Variants in SDK1 observed in about 807,000 individuals in gnomAD.
SDK1 encodes protein sidekick-1.
A neutral mutation model predicts 245.5 loss-of-function variants in SDK1; 157 were observed. That is an observed-to-expected ratio of 0.64 (90% confidence interval 0.56 to 0.73). The LOEUF is 0.73. Ranked by LOEUF, SDK1 falls within the 30% of genes least tolerant of loss-of-function variation. SDK1 has a pLI of 0.00. For synonymous variants in SDK1, 1,647 were observed against 1,278.5 expected, an observed-to-expected ratio of 1.29 and a Z score of -6.15; for missense variants, 3,583 against 3,002.3, an observed-to-expected ratio of 1.19 and a Z score of -4.52.
At chr7:3,895,174 A>G (rs1281148419) in intron 5 of SDK1, among the ~76,000 whole-genome samples, 1 of 152,220 alleles carries the variant, frequency 6.6e-6, no homozygotes, top group Admixed American at 6.5e-5. Context: ...ATAAGTAGTA[A>G]TTAAGGGGCT....
At chr7:3,572,157 G>A (rs1473006522) in intron 1 of SDK1, among the ~76,000 whole-genome samples, 1 of 152,068 alleles carries the variant, frequency 6.6e-6, no homozygotes. Context: ...TATGTTCAAA[G>A]TACTGTGGGT....
intron 14 of SDK1, among the ~76,000 whole-genome samples, chr7:4,006,894 G>A (rs1216162842): frequency 6.6e-6 from 1 of 152,342 alleles, no homozygotes; most frequent in African/African-American, 2.4e-5. Flanking sequence ...ATCAGGCAGG[G>A]CCAGGCTGGC....
intron 5 of SDK1, among the ~76,000 whole-genome samples, chr7:3,842,446 C>A (rs755415829): frequency 5.5e-5 from 8 of 146,692 alleles, no homozygotes; most frequent in Non-Finnish European, 5.9e-5. Flanking sequence ...ACTGTGCTGG[C>A]GTGGGTACTG....
chr7:3,807,141 A>T (rs1350531300), intron 4 of SDK1, among the ~76,000 whole-genome samples: 1 of 152,070 alleles, frequency 6.6e-6, no homozygotes, highest in Non-Finnish European at 1.5e-5. Context: ...AAAAAAATCT[A>T]CCCCATCCCC....
chr7:3,974,589 C>G (rs990424968), intron 13 of SDK1, 44 bp downstream of exon 13: 57 of 1,578,794 alleles, frequency 3.6e-5, no homozygotes, highest in Non-Finnish European at 4.8e-5. Context: ...GCGGTTTTCT[C>G]CGTTACTGTG....
chr7:3,667,396 C>G (rs1009645376), intron 4 of SDK1, among the ~76,000 whole-genome samples: 1 of 152,188 alleles, frequency 6.6e-6, no homozygotes, highest in African/African-American at 2.4e-5. Context: ...AAGTCTTCCT[C>G]CCAACCTCCT....
rs964113928 is a variant in SDK1, at chr7:3,398,417, A to AT, written c.298+96542dup. 9.3e-5 allele frequency among the ~76,000 whole-genome samples: 14 copies of AT among 150,478 alleles called. No homozygotes were observed. The South Asian group carries it at 1.1e-3, about 11-fold the overall frequency. ...GTGACCTTCAGAAGAGTTTCTTAGC[A>AT]TTTTTTTTTCTCCTCTTCTGTGAGA... On this transcript the variant is annotated intron_variant, in intron 1 of 44. Coordinates refer to ENST00000404826, the MANE Select transcript of SDK1 (RefSeq NM_152744.4).
intron 1 of SDK1, among the ~76,000 whole-genome samples, chr7:3,602,750 C>G (rs1226137426): frequency 6.6e-6 from 1 of 152,144 alleles, no homozygotes; most frequent in Non-Finnish European, 1.5e-5. Context: ...AAGTCCTTGC[C>G]TGTGCCTATG....
chr7:3,729,349 G>T (rs893920713), intron 4 of SDK1, among the ~76,000 whole-genome samples: 1 of 152,170 alleles, frequency 6.6e-6, no homozygotes, highest in African/African-American at 2.4e-5. Flanking sequence ...TTGCTCTAGC[G>T]CTGTATTCCT....
chr7:3,629,954 G>A (rs138162344), intron 2 of SDK1, among the ~76,000 whole-genome samples: 51 of 152,236 alleles, frequency 3.4e-4, no homozygotes, highest in African/African-American at 1.1e-3. Context: ...CACAAAAAAG[G>A]CAGAAATCTA....
intron 1 of SDK1, among the ~76,000 whole-genome samples, chr7:3,555,472 A>C (rs1436398583): frequency 6.6e-6 from 1 of 152,216 alleles, no homozygotes; most frequent in African/African-American, 2.4e-5. Flanking sequence ...TGAAACTAGT[A>C]AAAGAAAACA....
chr7:3,947,121 T>G (rs1281497740), intron 5 of SDK1, among the ~76,000 whole-genome samples: 1 of 152,170 alleles, frequency 6.6e-6, no homozygotes, highest in Non-Finnish European at 1.5e-5. Context: ...TTTTGTTATT[T>G]ACCATTGTAA....
intron 1 of SDK1, among the ~76,000 whole-genome samples, chr7:3,399,875 G>A (rs1318060839): frequency 6.6e-6 from 1 of 152,078 alleles, no homozygotes; most frequent in Admixed American, 6.6e-5. Context: ...TAAATTTTTG[G>A]CTGGACTCTT....
intron 1 of SDK1, among the ~76,000 whole-genome samples, chr7:3,463,267 C>T (rs576414597): frequency 1.3e-5 from 2 of 152,128 alleles, no homozygotes; most frequent in East Asian, 3.9e-4. Context: ...GCAAGAATAT[C>T]TTTTTGTTTT....
At chr7:4,063,775 A>G (rs572232265) in intron 19 of SDK1, among the ~76,000 whole-genome samples, 2 of 152,276 alleles carry the variant, frequency 1.3e-5, no homozygotes, top group Non-Finnish European at 2.9e-5. Context: ...AACAACAGAC[A>G]CATAGACCAA....
chr7:3,813,245 A>C (rs1405001274), intron 4 of SDK1, among the ~76,000 whole-genome samples: 2 of 136,074 alleles, frequency 1.5e-5, no homozygotes, highest in East Asian at 2.4e-4. Flanking sequence ...ATATCTCCCA[A>C]TGCTATCCCT....
Position 4,266,940 on chromosome 7 carries a change from C to G in SDK1, c.*1556C>G, listed in dbSNP as rs933473808. ...AGGGTAGGGGACAACTGAGCAGTAT[C>G]TGACCAGTGCCACCCAGGAGCCAGT... On this transcript the variant is annotated 3_prime_UTR_variant, in exon 45 of 45. Coordinates refer to ENST00000404826, the MANE Select transcript of SDK1 (RefSeq NM_152744.4). 5.1e-6 allele frequency: 5 copies of G among 985,356 alleles called. No individual in the cohort carries two copies. The highest frequency in any genetic ancestry group is 6.0e-6 in the Non-Finnish European group (5 of 829,966). 61.0% of individuals were successfully genotyped at this position (985,356 alleles called of 1,614,324 possible).
chr7:3,733,081 G>A (rs778156621), intron 4 of SDK1, among the ~76,000 whole-genome samples: 9 of 152,180 alleles, frequency 5.9e-5, no homozygotes, highest in Non-Finnish European at 1.2e-4. Flanking sequence ...TAAACACAAT[G>A]GATATTAGGT....
intron 13 of SDK1, among the ~76,000 whole-genome samples, chr7:3,982,465 ATGGATGATAAT>A (rs1783485301): frequency 6.6e-6 from 1 of 152,242 alleles, no homozygotes; most frequent in South Asian, 2.1e-4. Context: ...TATAGTTGCC[ATGGATGATAAT>A]TCCTCTGATG....
Sources: gnomAD v4.1 joint callset for allele counts (sites outside exome capture counted in the v4.1 genomes callset) on GRCh38, gnomAD v4.1.1 for gene constraint, MANE v1.5 for transcripts, NCBI Gene and HGNC (gene_info 2026-07-23, HGNC 2026-07-21) for gene names.